The following HS1BP3 variants were observed in gnomAD, a reference collection of about 807,000 sequenced individuals.
The protein encoded by HS1BP3 is HCLS1 binding protein 3.
HS1BP3 carries 32 observed loss-of-function variants against 33.5 expected under a neutral mutation model. The ratio of observed to expected loss-of-function variants is 0.95; its 90% CI spans 0.72 to 1.28. The LOEUF (loss-of-function observed/expected upper bound fraction) is 1.28, where lower values mean the gene tolerates loss of function less well. HS1BP3 is among the 50% of genes most tolerant of loss of function. HS1BP3 has a pLI of 0.00. For synonymous variants in HS1BP3, 187 were observed against 209.2 expected, an observed-to-expected ratio of 0.89 and a Z score of 0.92; for missense variants, 486 against 502.3, an observed-to-expected ratio of 0.97 and a Z score of 0.31.
intron 4 of HS1BP3, among the ~76,000 whole-genome samples, chr2:20,626,036 C>A (rs1694769531): frequency 6.6e-6 from 1 of 151,284 alleles, no homozygotes; most frequent in South Asian, 2.1e-4. Flanking sequence ...GCCTGGCGGG[C>A]AGTTCCACTG....
intron 5 of HS1BP3, among the ~76,000 whole-genome samples, chr2:20,624,420 C>T (rs1413375298): frequency 6.6e-6 from 1 of 152,146 alleles, no homozygotes; most frequent in African/African-American, 2.4e-5. Flanking sequence ...CTCGGTTTTC[C>T]CTCTGCCAAC....
At chr2:20,613,602 A>G (rs977646354), downstream of HS1BP3, among the ~76,000 whole-genome samples, 5 of 152,254 alleles carry the variant, frequency 3.3e-5, no homozygotes, top group African/African-American at 1.2e-4. Flanking sequence ...TCATTTCACT[A>G]TTTAATAAAG....
chr2:20,609,701 C>T (rs976565526), intron 2 of HS1BP3, among the ~76,000 whole-genome samples: 1 of 152,314 alleles, frequency 6.6e-6, no homozygotes, highest in Admixed American at 6.5e-5. Context: ...AGCTGGAAAT[C>T]GTACAGAGGA....
intron 3 of HS1BP3, among the ~76,000 whole-genome samples, chr2:20,639,469 C>G (rs1695270210): frequency 6.6e-6 from 1 of 152,206 alleles, no homozygotes; most frequent in Admixed American, 6.5e-5. Context: ...TTGTTCATTT[C>G]TATCCAAGTG....
chr2:20,586,001 C>A (rs200765166), intron 5 of HS1BP3, among the ~76,000 whole-genome samples: 1 of 148,638 alleles, frequency 6.7e-6, no homozygotes, highest in Non-Finnish European at 1.5e-5. Flanking sequence ...TCGCAGATTC[C>A]GGCTTTGAGC....
chr2:20,619,186 TG>T lies in HS1BP3; in HGVS notation c.979del (p.Gln327SerfsTer13). The T allele has an allele frequency of 6.2e-7, 1 of 1,613,992 alleles. No homozygotes were observed. On this transcript the variant is annotated frameshift_variant, in exon 7 of 7. Transcript: ENST00000304031. LOFTEE classifies it low-confidence loss of function (END_TRUNC). ...TGCCACTGGTGGCTTGGGCTTAAGCTGGGGCTTGGGTTTGGGCTCAGCTCCC... is the reference window on the plus strand; with the variant it reads ...TGCCACTGGTGGCTTGGGCTTAAGCTGGGCTTGGGTTTGGGCTCAGCTCCC... ...NLGAEPKPKPQLKPKPPVAAK... is the reference protein window; with the variant it reads ...NLGAEPKPKPXLKPKPPVAAK...
intron 4 of HS1BP3, among the ~76,000 whole-genome samples, chr2:20,633,453 A>G (rs554808379): frequency 7.2e-5 from 11 of 152,364 alleles, no homozygotes; most frequent in Admixed American, 3.9e-4. Context: ...CCACTGGTAC[A>G]TCTGTTGTTC....
intron 2 of HS1BP3, among the ~76,000 whole-genome samples, chr2:20,603,301 A>AAT (rs144852099): frequency 0.066 from 10,025 of 152,320 alleles, 389 homozygotes; most frequent in African/African-American, 0.1. Flanking sequence ...CATTATTCAC[A>AAT]ATAGCCAAAA....
chr2:20,579,425 G>A (rs188774087), intron 5 of HS1BP3, among the ~76,000 whole-genome samples: 1 of 152,340 alleles, frequency 6.6e-6, no homozygotes, highest in East Asian at 1.9e-4. Context: ...TTCAGGCTGG[G>A]CTGAAAGATC....
chr2:20,560,575 C>T (rs1692966531), intron 5 of HS1BP3: 1 of 152,244 alleles, frequency 6.6e-6, no homozygotes, highest in Admixed American at 6.5e-5. Context: ...TTGACCTCTA[C>T]TATGTTAGCA....
intron 5 of HS1BP3, among the ~76,000 whole-genome samples, chr2:20,584,896 G>A (rs558677567): frequency 6.6e-6 from 1 of 152,306 alleles, no homozygotes. Flanking sequence ...GGGCCACAGA[G>A]GAGCAAATGA....
downstream of HS1BP3, among the ~76,000 whole-genome samples, chr2:20,556,996 C>T (rs930454918): frequency 1.3e-5 from 2 of 152,192 alleles, no homozygotes; most frequent in African/African-American, 2.4e-5. Context: ...CGTTCTACCC[C>T]ATGCCTTCCT....
At chr2:20,646,096 C>T (rs765863396) in intron 1 of HS1BP3, among the ~76,000 whole-genome samples, 8 of 152,188 alleles carry the variant, frequency 5.3e-5, no homozygotes, top group East Asian at 1.9e-4. Flanking sequence ...AAAACATCAC[C>T]GCTCTTGGAG....
rs73235050 is a variant in HS1BP3, at chr2:20,610,129, C to T, written c.179-11864G>A. Among the ~76,000 whole-genome samples the T allele has an allele frequency of 3.3e-3, 508 of 152,196 alleles. 3 individuals carry two copies. The highest frequency in any genetic ancestry group is 0.012 in the African/African-American group (478 of 41,492). The stretch of plus-strand genomic sequence containing the variant: ...TACAAAGTCCCCACATGCCTCCTGC[C>T]CCCACACATGCACAGCCTCGCCCAC... On this transcript the variant is annotated intron_variant, in intron 2 of 3. Coordinates refer to the HS1BP3 transcript ENST00000415264.
downstream of HS1BP3, among the ~76,000 whole-genome samples, chr2:20,559,139 G>A (rs1312079428): frequency 6.6e-6 from 1 of 152,176 alleles, no homozygotes; most frequent in African/African-American, 2.4e-5. Context: ...AGGAACTGGG[G>A]CCAGAGAGGG....
downstream of HS1BP3, among the ~76,000 whole-genome samples, chr2:20,616,005 C>T (rs557342592): frequency 2.6e-5 from 4 of 152,188 alleles, no homozygotes; most frequent in African/African-American, 4.8e-5. Context: ...CCTGAGTTCC[C>T]GGCTTCCTAA....
downstream of HS1BP3, among the ~76,000 whole-genome samples, chr2:20,558,755 G>T (rs1401823754): frequency 6.6e-6 from 1 of 152,182 alleles, no homozygotes; most frequent in East Asian, 1.9e-4. Flanking sequence ...GAGCAAGATG[G>T]TTACAGGGCC....
In HS1BP3 at chr2:20,638,557, C is replaced by T. The variant is rs368977182; in HGVS notation, c.502G>A (p.Asp168Asn). 2.2e-5 allele frequency: 35 copies of T among 1,614,098 alleles called. No individual in the cohort carries two copies. The highest frequency in any genetic ancestry group is 8.9e-5 in the East Asian group (4 of 44,888). Reference protein sequence around the residue: ...SQTGNDEEAFDFFEEQDQVAE... With the variant: ...SQTGNDEEAFNFFEEQDQVAE... ...ACTTGGTCTTGCTCCTCAAAAAAGT[C>T]GAAAGCCTCTTCATCATTCCCTGTC... Residue 168 changes from aspartate to asparagine, a missense_variant, in exon 4 of 7, where the codon GAC becomes AAC. Physicochemically the swap from Asp to Asn is conservative, Grantham distance 23. Transcript: ENST00000304031.
intron 4 of HS1BP3, among the ~76,000 whole-genome samples, chr2:20,626,691 C>T (rs567714548): frequency 2.6e-5 from 4 of 152,250 alleles, no homozygotes; most frequent in African/African-American, 7.2e-5. Context: ...CTTTCTCCAC[C>T]CAGCTCAGGC....
Sources: gnomAD v4.1 joint callset for allele counts (sites outside exome capture counted in the v4.1 genomes callset) on GRCh38, gnomAD v4.1.1 for gene constraint, MANE v1.5 for transcripts, NCBI Gene and HGNC (gene_info 2026-07-23, HGNC 2026-07-21) for gene names.